The following NABP1 variants were observed in gnomAD, a reference collection of about 807,000 sequenced individuals.
NABP1 encodes the protein SOSS complex subunit B2.
Under a neutral mutation model 25.0 loss-of-function variants are expected in NABP1, and 18 were observed. The ratio of observed to expected loss-of-function variants is 0.72; its 90% CI spans 0.50 to 1.07. NABP1 has a LOEUF of 1.07. Ranked by LOEUF, NABP1 falls within the 50% of genes least tolerant of loss-of-function variation. The pLI is 0.00. For synonymous variants in NABP1, 71 were observed against 85.0 expected, an observed-to-expected ratio of 0.84 and a Z score of 0.91; for missense variants, 270 against 255.6, an observed-to-expected ratio of 1.06 and a Z score of -0.39.
rs942833865 is a variant in NABP1 at position 191,683,638 on chromosome 2, A to C, written c.303-91A>C. 40 of 885,030 alleles carry C rather than the reference A, an allele frequency of 4.5e-5. No individual in the cohort carries two copies. The highest frequency in any genetic ancestry group is 5.4e-6 in the Non-Finnish European group (3 of 560,186). 54.8% of individuals were successfully genotyped at this position (885,030 alleles called of 1,614,324 possible). ...TTGCTATTAATTTGTTTGACACATA[A>C]GTTCATTCCTAAAAGTTAGAGATGT... On this transcript the variant is annotated intron_variant, in intron 3 of 5. Coordinates refer to ENST00000425611, the MANE Select transcript of NABP1 (RefSeq NM_001031716.5). The surrounding 1 kb of genome is among the most constrained non-coding windows in gnomAD (Gnocchi z 4.1).
At chr2:191,684,133 C>G (rs976318377) in intron 4 of NABP1, 97 bp from the exon 5 acceptor site, 1 of 702,646 alleles carries the variant, frequency 1.4e-6, no homozygotes, top group South Asian at 2.8e-5. Flanking sequence ...AAAAAAAAGC[C>G]AAACCCAAAA....
chr2:191,678,961 C>T lies in NABP1; in HGVS notation c.92-29C>T, dbSNP rs960553217. On this transcript the variant is annotated intron_variant, in intron 1 of 5. Coordinates refer to ENST00000425611, the MANE Select transcript of NABP1 (RefSeq NM_001031716.5). ...CTGGATGTCCTCATTATCTAACAAC[C>T]CCTCCCTTTGATTTTTAAATCCTCA... 3.1e-6 allele frequency: 5 copies of T among 1,614,048 alleles called. No individual in the cohort carries two copies. In the African/African-American group the frequency reaches 5.3e-5, roughly 17 times the overall value.
At chr2:191,679,467 C>T (rs989958408) in intron 2 of NABP1, among the ~76,000 whole-genome samples, 1 of 152,222 alleles carries the variant, frequency 6.6e-6, no homozygotes, top group African/African-American at 2.4e-5. Context: ...GCCTCCGCCT[C>T]GCGGGTTCAA....
rs749206706 is a variant in NABP1 at position 191,679,017 on chromosome 2, A to G, written c.119A>G (p.His40Arg). Reference protein sequence around the residue: ...IGRVTKTKDGHEVRSCKVADK... With the variant: ...IGRVTKTKDGREVRSCKVADK... ...CGCGTGACCAAAACCAAAGACGGCC[A>G]TGAAGTGAGATCGTGCAAAGTAGCA... Residue 40 changes from histidine to arginine, a missense_variant, in exon 2 of 6, where the codon CAT becomes CGT. By Grantham distance (29) the His-to-Arg change is conservative. Coordinates refer to ENST00000425611, the MANE Select transcript of NABP1 (RefSeq NM_001031716.5). 3.7e-6 allele frequency: 6 copies of G among 1,614,122 alleles called. No individual in the cohort carries two copies. The Admixed American group carries it at 8.3e-5, about 22-fold the overall frequency.
rs748619189 is a variant in NABP1, at chr2:191,682,520, C to T, written c.302+503C>T. Reference sequence around the variant, plus strand: ...AGGTGCGGTGCAGGCAGCCGCAATGCGAGATTCCATACACTACTACCCTGG... The same window carrying T: ...AGGTGCGGTGCAGGCAGCCGCAATGTGAGATTCCATACACTACTACCCTGG... On this transcript the variant is annotated intron_variant, in intron 3 of 5. Transcript: ENST00000425611. 32 of 470,944 alleles carry T rather than the reference C, an allele frequency of 6.8e-5. 1 individual carries two copies. Among genetic ancestry groups the T allele is most frequent in the Non-Finnish European group, 1.1e-4 (25 of 227,030 alleles). The allele number at this position is 470,944 out of a possible 1,614,324, so 29.2% of individuals were successfully genotyped here.
chr2:191,681,281 A>T (rs1399993255), intron 2 of NABP1, among the ~76,000 whole-genome samples: 1 of 152,202 alleles, frequency 6.6e-6, no homozygotes, highest in Non-Finnish European at 1.5e-5. Flanking sequence ...TTGATTTTAT[A>T]ATATTAATTT....
intron 2 of NABP1, among the ~76,000 whole-genome samples, chr2:191,679,529 A>G (rs2105639383): frequency 6.6e-6 from 1 of 152,246 alleles, no homozygotes; most frequent in South Asian, 2.1e-4. Context: ...GGCGTGTGCC[A>G]CCACGCCCAG....
rs371158153 is a variant in NABP1 at position 191,678,652 on chromosome 2, A to G, written c.38A>G (p.Asp13Gly). The change falls in exon 1 of 6, where the codon GAT becomes GGT. Residue 13 changes from aspartate (D) to glycine (G), a missense_variant. Transcript: ENST00000425611. ...RVNDPLIFIR[D>G]IKPGLKNLNV... ...AACGACCCACTTATTTTTATAAGAGATATTAAGCCCGGACTGAAAAACTTA... is the reference window on the plus strand; with the variant it reads ...AACGACCCACTTATTTTTATAAGAGGTATTAAGCCCGGACTGAAAAACTTA... The G allele has an allele frequency of 6.2e-6, 10 of 1,613,578 alleles. No individual in the cohort carries two copies. Among genetic ancestry groups the G allele is most frequent in the Non-Finnish European group, 8.5e-6 (10 of 1,179,886 alleles).
At chr2:191,678,762 A>C in intron 1 of NABP1, 57 bp downstream of exon 1, 3 of 1,511,612 alleles carry the variant, frequency 2.0e-6, no homozygotes, top group East Asian at 2.3e-5. Context: ...GGCGGGAGAC[A>C]GGGGCGCCGG....
intron 1 of NABP1, 74 bp from the exon 2 acceptor site, chr2:191,678,916 C>G: frequency 6.3e-7 from 1 of 1,594,352 alleles, no homozygotes; most frequent in Non-Finnish European, 8.6e-7. Flanking sequence ...ATTAAAATAC[C>G]GGAGGAGGAG....
At chr2:191,684,399 A>G (rs889668404) in intron 5 of NABP1, 103 bp downstream of exon 5, 1 of 707,368 alleles carries the variant, frequency 1.4e-6, no homozygotes. Context: ...AATTAGTGAT[A>G]AAGGTGAACT....
At chr2:191,682,724 G>A in intron 3 of NABP1, 1 of 207,112 alleles carries the variant, frequency 4.8e-6, no homozygotes, top group Non-Finnish European at 1.1e-5. Flanking sequence ...CTGTCAAATT[G>A]GAAGATATTT....
chr2:191,678,843 C>G (rs901374320), intron 1 of NABP1, 138 bp downstream of exon 1: 48 of 1,347,588 alleles, frequency 3.6e-5, no homozygotes, highest in Non-Finnish European at 4.9e-5. Flanking sequence ...TGGCCTCCGC[C>G]CGAGATCGGA....
At chr2:191,678,959 A>ACCC in intron 1 of NABP1, 31 bp from the exon 2 acceptor site, 2 of 1,614,002 alleles carry the variant, frequency 1.2e-6, no homozygotes, top group South Asian at 1.1e-5. Context: ...TTATCTAACA[A>ACCC]CCCCTCCCTT....
rs754562288 is a variant in NABP1 at position 191,685,765 on chromosome 2, A to G, written c.612A>G (p.Arg204=). Residue 204 remains arginine (R), a synonymous_variant, in exon 6 of 6, where the codon AGA becomes AGG. Coordinates refer to ENST00000425611, the MANE Select transcript of NABP1 (RefSeq NM_001031716.5). The stretch of plus-strand genomic sequence containing the variant: ...GGGACCCTCGGAGAGCCTTTAAAAG[A>G]TGACCTATGCTAAATACTCATGTGT... ...NGRDPRRAFK[R] is the part of the protein sequence containing the mutation. The G allele has an allele frequency of 6.2e-7, 1 of 1,613,994 alleles. No individual in the cohort carries two copies. Among genetic ancestry groups the G allele is most frequent in the Non-Finnish European group, 8.5e-7 (1 of 1,179,892 alleles).
Position 191,680,686 on chromosome 2 carries a change from TA to T in NABP1, c.231-1259del, listed in dbSNP as rs375539367. Among the ~76,000 whole-genome samples the T allele has an allele frequency of 5.1e-4, 78 of 152,316 alleles. No individual in the cohort carries two copies. The East Asian group carries it at 0.012, about 24-fold the overall frequency. ...TTATTGGAAAATTAAACTTATTAGT[TA>T]GGTACTATAGAATTTTAAGGGGAAC... is the stretch of plus-strand genomic sequence containing the variant. On this transcript the variant is annotated intron_variant, in intron 2 of 5. Transcript: ENST00000425611.
rs1351055129 is a variant in NABP1 at position 191,678,428 on chromosome 2, C to CT, written c.-180dup. The CT allele has an allele frequency of 3.7e-5, 3 of 80,720 alleles. No homozygotes were observed. Among genetic ancestry groups the CT allele is most frequent in the Non-Finnish European group, 7.4e-5 (3 of 40,742 alleles). The allele number at this position is 80,720 out of a possible 1,614,324, so 5.0% of individuals were successfully genotyped here. ...CTTTTTTTTTTTTTTTTTTTTTTTT[C>CT]TTTTTTTAGGCTCAGTGCTGTCCGG... On this transcript the variant is annotated 5_prime_UTR_variant, in exon 1 of 6. Transcript: ENST00000425611.
rs547537993 is a variant in NABP1 at position 191,686,003 on chromosome 2, A to G, written c.*235A>G. ...GGGCATTTATTTTTAGAGTAAAAAG[A>G]TTATTGGATAGCCTTTAAAAAACCT... On this transcript the variant is annotated 3_prime_UTR_variant, in exon 6 of 6. Transcript: ENST00000425611. The G allele has an allele frequency of 2.4e-6, 1 of 408,662 alleles. No homozygotes were observed. The highest frequency in any genetic ancestry group is 4.3e-5 in the Admixed American group (1 of 23,066). The allele number at this position is 408,662 out of a possible 1,614,324, so 25.3% of individuals were successfully genotyped here. A position where few individuals can be genotyped will look rare whatever the true frequency, so the allele number is the denominator to read the frequency against.
At chr2:191,680,505 G>C (rs1687658827) in intron 2 of NABP1, among the ~76,000 whole-genome samples, 2 of 152,164 alleles carry the variant, frequency 1.3e-5, no homozygotes, top group Non-Finnish European at 2.9e-5. Flanking sequence ...CCTTCTTAGG[G>C]AAGTATGGTG....
Sources: allele counts gnomAD v4.1 joint callset (sites outside exome capture counted in the v4.1 genomes callset), GRCh38; gene constraint gnomAD v4.1.1; non-coding constraint Gnocchi (gnomAD v3.1); transcripts MANE v1.5; gene names NCBI Gene and HGNC (gene_info 2026-07-23, HGNC 2026-07-21).